The following POM121 variants were observed in gnomAD, a reference collection of about 807,000 sequenced individuals.
POM121 encodes the protein nuclear envelope pore membrane protein POM 121.
In POM121, 32 loss-of-function variants were observed where a neutral mutation model predicts 81.3. The observed-to-expected ratio is 0.39, with a 90% CI of 0.30 to 0.53. The LOEUF (loss-of-function observed/expected upper bound fraction) is 0.53. POM121 is among the 20% of genes least tolerant of loss of function. The pLI is 0.66. For synonymous variants in POM121, 514 were observed against 694.2 expected, an observed-to-expected ratio of 0.74 and a Z score of 4.08; for missense variants, 1,138 against 1,614.6, an observed-to-expected ratio of 0.70 and a Z score of 5.06.
chr7:72,949,700 G>A (rs1586204594), downstream of POM121: 5 of 700,730 alleles, frequency 7.1e-6, 1 homozygote, highest in East Asian at 1.3e-4. Context: ...ACCTGCAGTG[G>A]GGAAAGCTTA....
Position 72,925,772 on chromosome 7 carries a change from T to A in POM121, c.644+7T>A, listed in dbSNP as rs1341784795. On this transcript the variant is annotated splice_region_variant and intron_variant, in intron 1 of 12. Coordinates refer to ENST00000434423, the MANE Select transcript of POM121 (RefSeq NM_001387691.1). ...CCAGGAGGCCTTCCCCACGGTAAGATGCGCTGATTTTGTCAGATCATCCTC... is the reference window on the plus strand; with the variant it reads ...CCAGGAGGCCTTCCCCACGGTAAGAAGCGCTGATTTTGTCAGATCATCCTC... 7.9e-6 allele frequency: 10 copies of A among 1,273,460 alleles called. No individual in the cohort carries two copies. The highest frequency in any genetic ancestry group is 8.9e-6 in the Non-Finnish European group (9 of 1,009,440). The allele number at this position is 1,273,460 out of a possible 1,614,324, so 78.9% of individuals were successfully genotyped here.
chr7:72,914,458 C>T (rs1269342007), intron 4 of POM121, among the ~76,000 whole-genome samples: 7 of 149,318 alleles, frequency 4.7e-5, no homozygotes, highest in African/African-American at 1.5e-4. Context: ...ACAGACTTCA[C>T]TTCTTTATAC....
chr7:72,938,167 T>TG (rs1796695958), intron 5 of POM121, among the ~76,000 whole-genome samples: 1 of 152,146 alleles, frequency 6.6e-6, no homozygotes, highest in Non-Finnish European at 1.5e-5. Flanking sequence ...TCATAATTAA[T>TG]ACTGGCAGTT....
At chr7:72,931,610 G>A (rs1320403672) in intron 5 of POM121, among the ~76,000 whole-genome samples, 1 of 144,090 alleles carries the variant, frequency 6.9e-6, no homozygotes, top group East Asian at 2.0e-4. Context: ...TACTCTTGTC[G>A]CCCAGGCTGG....
intron 2 of POM121, 73 bp downstream of exon 2, chr7:72,926,550 A>G: frequency 3.1e-6 from 5 of 1,599,042 alleles, no homozygotes; most frequent in Non-Finnish European, 4.3e-6. Flanking sequence ...TTCCTATGAC[A>G]TGACTACAAC....
downstream of POM121, chr7:72,949,648 C>G: frequency 1.5e-6 from 1 of 656,624 alleles, no homozygotes; most frequent in Non-Finnish European, 2.8e-6. Context: ...AGGTAACTGG[C>G]CTGGGGTCTC....
At chr7:72,923,730 G>A (rs1456504014), upstream of POM121, among the ~76,000 whole-genome samples, 1 of 146,530 alleles carries the variant, frequency 6.8e-6, no homozygotes, top group East Asian at 2.0e-4. Context: ...CTCCCAAGTA[G>A]CTGGGACTAC....
chr7:72,948,458 C>A, downstream of POM121: 2 of 1,613,442 alleles, frequency 1.2e-6, no homozygotes, highest in Non-Finnish European at 1.7e-6. Context: ...CCTTTCCCAC[C>A]AGGAAGGAGT....
intron 3 of POM121, among the ~76,000 whole-genome samples, chr7:72,901,061 T>C (rs576524263): frequency 6.6e-6 from 1 of 151,800 alleles, no homozygotes; most frequent in South Asian, 2.1e-4. Context: ...TCATAGCTCA[T>C]TGAAGCCTCA....
In POM121 at chr7:72,929,015, G is replaced by A. The variant is rs199654925; in HGVS notation, c.1103+550G>A. On this transcript the variant is annotated intron_variant, in intron 4 of 12. Transcript: ENST00000434423. The stretch of plus-strand genomic sequence containing the variant: ...CCTTCCGTAGTTCTGCTCACTGTCC[G>A]TGGAGCACTGTGGTCAGATCAGTGT... Among the ~76,000 whole-genome samples the A allele has an allele frequency of 2.0e-4, 31 of 152,328 alleles. No individual in the cohort carries two copies. The East Asian group carries it at 4.2e-3, about 21-fold the overall frequency.
downstream of POM121, chr7:72,948,698 A>C: frequency 6.3e-7 from 1 of 1,590,498 alleles, no homozygotes; most frequent in Non-Finnish European, 8.6e-7. Context: ...AATTACAGCA[A>C]CGAAGAAGCC....
chr7:72,934,090 T>C (rs577544028), intron 5 of POM121, among the ~76,000 whole-genome samples: 57 of 151,934 alleles, frequency 3.8e-4, no homozygotes, highest in East Asian at 2.3e-3. Context: ...GTCTTTTTTT[T>C]TTTCTTTCTT....
intron 3 of POM121, among the ~76,000 whole-genome samples, chr7:72,908,854 C>T (rs1215444273): frequency 6.6e-6 from 1 of 152,150 alleles, no homozygotes; most frequent in Admixed American, 6.6e-5. Flanking sequence ...TTACTGTTAT[C>T]CTGTTCTTTT....
At chr7:72,928,021 C>T (rs1398854164) in intron 3 of POM121, among the ~76,000 whole-genome samples, 1 of 152,110 alleles carries the variant, frequency 6.6e-6, no homozygotes, top group Non-Finnish European at 1.5e-5. Context: ...GCCTGGGCAA[C>T]ATAGTGAGAC....
At chr7:72,887,283 C>G (rs1346828827) in intron 1 of POM121, among the ~76,000 whole-genome samples, 1 of 151,868 alleles carries the variant, frequency 6.6e-6, no homozygotes, top group African/African-American at 2.4e-5. Flanking sequence ...TCTCTCAGTG[C>G]TCTGTGCCGG....
chr7:72,938,039 T>C (rs1378254403), intron 5 of POM121, among the ~76,000 whole-genome samples: 1 of 152,228 alleles, frequency 6.6e-6, no homozygotes, highest in Non-Finnish European at 1.5e-5. Context: ...CAGGTTTGAA[T>C]GTGTCCTGGC....
At chr7:72,921,151 TC>T (rs1206948137), upstream of POM121, among the ~76,000 whole-genome samples, 2 of 152,062 alleles carry the variant, frequency 1.3e-5, no homozygotes, top group Non-Finnish European at 2.9e-5. Context: ...GCCACTGCAC[TC>T]CAACCTGGGC....
At chr7:72,949,978 A>G (rs376322503), downstream of POM121, 12 of 1,604,088 alleles carry the variant, frequency 7.5e-6, no homozygotes, top group South Asian at 1.1e-5. Flanking sequence ...GGCAGAACAC[A>G]GGGGCCGGGT....
chr7:72,901,575 G>A lies in POM121; in HGVS notation c.-216+10465G>A, dbSNP rs77654539. On this transcript the variant is annotated intron_variant, in intron 3 of 15. Transcript: ENST00000395270. ...TCACCATTTTGGCTAGGCTGGTTTC[G>A]AACTCCTGACCTCATGATCCACCTG... is the stretch of plus-strand genomic sequence containing the variant. Among the ~76,000 whole-genome samples the A allele has an allele frequency of 1.4e-4, 22 of 151,902 alleles. No individual in the cohort carries two copies. In the East Asian group the frequency reaches 3.1e-3, roughly 21 times the overall value.
Sources: allele counts gnomAD v4.1 joint callset (sites outside exome capture counted in the v4.1 genomes callset), GRCh38; gene constraint gnomAD v4.1.1; transcripts MANE v1.5; gene names NCBI Gene and HGNC (gene_info 2026-07-23, HGNC 2026-07-21).